PARP15: variants seen among roughly 807,000 people sequenced by gnomAD.
The protein encoded by PARP15 is poly(ADP-ribose) polymerase family member 15.
Under a neutral mutation model 62.1 loss-of-function variants are expected in PARP15, and 50 were observed. The ratio of observed to expected loss-of-function variants is 0.81; its 90% CI spans 0.64 to 1.02. PARP15 has a LOEUF of 1.02. PARP15 is among the 50% of genes least tolerant of loss of function. PARP15 has a pLI of 0.00. For synonymous variants in PARP15, 309 were observed against 293.1 expected (o/e 1.05, Z -0.55); for missense variants, 820 against 826.5 (o/e 0.99, Z 0.10).
intron 1 of PARP15, among the ~76,000 whole-genome samples, chr3:122,596,354 C>CAAAAAAAAA (rs35559014): frequency 2.1e-5 from 1 of 46,916 alleles, no homozygotes; most frequent in Non-Finnish European, 3.7e-5. Flanking sequence ...GACTCCATCT[C>CAAAAAAAAA]AAAAAAAAAA....
chr3:122,619,809 T>A lies in PARP15; in HGVS notation c.1029T>A (p.Ala343=). 2 of 1,613,812 alleles carry A rather than the reference T, an allele frequency of 1.2e-6. No homozygotes were observed. Among genetic ancestry groups the A allele is most frequent in the Non-Finnish European group, 1.7e-6 (2 of 1,179,658 alleles). ...SGVSRAILEG[A]GQAVESECAV... is the part of the protein sequence containing the mutation. ...TGTCAAGAGCTATTTTAGAAGGTGC[T>A]GGACAAGCTGTGGAAAGTGAATGTG... is the stretch of plus-strand genomic sequence containing the variant. Residue 343 remains alanine (A), a synonymous_variant, in exon 7 of 12, where the codon GCT becomes GCA. Transcript: ENST00000464300.
chr3:122,609,810 T>C (rs1160712422), intron 2 of PARP15, among the ~76,000 whole-genome samples: 2 of 151,922 alleles, frequency 1.3e-5, no homozygotes, highest in East Asian at 3.9e-4. Context: ...ATCTGAGTAA[T>C]AGGAGTTATG....
chr3:122,625,177 A>G (rs1327684085), intron 8 of PARP15, among the ~76,000 whole-genome samples: 1 of 152,130 alleles, frequency 6.6e-6, no homozygotes. Flanking sequence ...CAAAATTCAT[A>G]TGTTGAAGTC....
rs1171268129 is a variant in PARP15 at position 122,613,283 on chromosome 3, C to T, written c.771+15C>T. 1.3e-6 allele frequency: 2 copies of T among 1,518,264 alleles called. No individual in the cohort carries two copies. Among genetic ancestry groups the T allele is most frequent in the South Asian group, 2.4e-5 (2 of 83,362 alleles). 94.0% of individuals were successfully genotyped at this position (1,518,264 alleles called of 1,614,324 possible). A position where few individuals can be genotyped will look rare whatever the true frequency, so the allele number is the denominator to read the frequency against. On this transcript the variant is annotated intron_variant, in intron 4 of 11. Coordinates refer to ENST00000464300, the MANE Select transcript of PARP15 (RefSeq NM_001113523.3). ...AAGGCTGTCAGGTATGGTTACATAT[C>T]CCATCTGGTTAATTCTGGCAAGTGA...
In PARP15 at chr3:122,610,348, T is replaced by G; in HGVS notation, c.307-146T>G. ...TGGTGTTTCAGTGCTAACAATAGAC[T>G]GTAAGCTCCTTGAGGGTGGGGCTGA... is the stretch of plus-strand genomic sequence containing the variant. On this transcript the variant is annotated intron_variant, in intron 2 of 11. Transcript: ENST00000464300. The G allele has an allele frequency of 4.3e-6, 3 of 700,802 alleles. No homozygotes were observed. The South Asian group carries it at 5.8e-5, about 14-fold the overall frequency. 43.4% of individuals were successfully genotyped at this position (700,802 alleles called of 1,614,324 possible). A position where few individuals can be genotyped will look rare whatever the true frequency, so the allele number is the denominator to read the frequency against.
At chr3:122,603,466 GGGA>G (rs142797778) in intron 1 of PARP15, among the ~76,000 whole-genome samples, 8,762 of 152,200 alleles carry the variant, frequency 0.058, 638 homozygotes, top group African/African-American at 0.17. Flanking sequence ...CCAGCAGTAT[GGGA>G]GGACATAAAA....
At chr3:122,594,956 AGCCCTG>A in intron 1 of PARP15, 1 of 823,988 alleles carries the variant, frequency 1.2e-6, no homozygotes, top group Non-Finnish European at 1.5e-6. Context: ...AGGAGGGTTC[AGCCCTG>A]GTTGAGTTTT....
At chr3:122,616,327 CTT>C (rs869254516) in intron 5 of PARP15, among the ~76,000 whole-genome samples, 12 of 122,156 alleles carry the variant, frequency 9.8e-5, no homozygotes, top group African/African-American at 9.1e-5. Context: ...TCTGAGCAGT[CTT>C]TTTTTTTTTT....
intron 1 of PARP15, among the ~76,000 whole-genome samples, chr3:122,601,084 C>T (rs1285374184): frequency 7.6e-6 from 1 of 131,780 alleles, no homozygotes; most frequent in Non-Finnish European, 1.5e-5. Context: ...CTCTGTTACC[C>T]AGGCTGGAGT....
chr3:122,621,485 T>G lies in PARP15; in HGVS notation c.1105T>G (p.Cys369Gly). The change falls in exon 8 of 12, where the codon TGC (cysteine) becomes GGC (glycine). Residue 369 changes from cysteine to glycine, a missense_variant. By Grantham distance (159) the Cys-to-Gly change is radical. Around this residue, in one of 3 missense-constraint regions of PARP15, gnomAD observed 731 missense variants for 727.7 expected, o/e 1.00. Transcript: ENST00000464300. The stretch of plus-strand genomic sequence containing the variant: ...AGATTTTATAATTACACCAGGTGGA[T>G]GCTTAAAGTGCAAAATAATAATTCA... Reference protein sequence around the residue: ...HRDFIITPGGCLKCKIIIHVP... With the variant: ...HRDFIITPGGGLKCKIIIHVP... 6.2e-7 allele frequency: 1 copy of G among 1,613,920 alleles called. No homozygotes were observed. The highest frequency in any genetic ancestry group is 1.1e-5 in the South Asian group (1 of 91,018).
intron 1 of PARP15, among the ~76,000 whole-genome samples, chr3:122,587,958 A>T (rs9876722): frequency 0.37 from 56,358 of 151,864 alleles, 10,879 homozygotes; most frequent in Admixed American, 0.46. Context: ...GGTGTTTTTT[A>T]AAAAAATTGT....
intron 1 of PARP15, among the ~76,000 whole-genome samples, chr3:122,596,653 A>T (rs1173353322): frequency 6.6e-6 from 1 of 152,234 alleles, no homozygotes; most frequent in Non-Finnish European, 1.5e-5. Flanking sequence ...GAACCATTTT[A>T]AAGACAGTAA....
In PARP15 at chr3:122,621,477, C is replaced by G. The variant is rs1287567184; in HGVS notation, c.1097C>G (p.Pro366Arg). Residue 366 changes from proline to arginine, a missense_variant, in exon 8 of 12, where the codon CCA (proline) becomes CGA (arginine). Around this residue, in one of 3 missense-constraint regions of PARP15, gnomAD observed 731 missense variants for 727.7 expected, o/e 1.00. Transcript: ENST00000464300. ...CCTCACAGAGATTTTATAATTACAC[C>G]AGGTGGATGCTTAAAGTGCAAAATA... ...AQPHRDFIIT[P>R]GGCLKCKIII... 2 of 1,612,874 alleles carry G rather than the reference C, an allele frequency of 1.2e-6. No homozygotes were observed. The highest frequency in any genetic ancestry group is 1.3e-5 in the African/African-American group (1 of 74,922).
At position 122,617,175 on chromosome 3, in the gene PARP15, T is replaced by C. The variant is rs1559972465; in HGVS notation, c.1000+11T>C. 6.2e-7 allele frequency: 1 copy of C among 1,606,504 alleles called. No individual in the cohort carries two copies. Among genetic ancestry groups the C allele is most frequent in the Non-Finnish European group, 8.5e-7 (1 of 1,173,984 alleles). On this transcript the variant is annotated intron_variant, in intron 6 of 11. Transcript: ENST00000464300. ...TTAATCGGAAATCAGGTACTTTATT[T>C]AAGCAATATATTGTAATTATTAGTA...
At chr3:122,580,672 C>T (rs1188374520) in intron 1 of PARP15, among the ~76,000 whole-genome samples, 1 of 152,164 alleles carries the variant, frequency 6.6e-6, no homozygotes, top group East Asian at 1.9e-4. Context: ...CATGTGATAG[C>T]ATGTGTCAGA....
intron 6 of PARP15, among the ~76,000 whole-genome samples, chr3:122,617,699 T>C (rs1231261464): frequency 1.3e-5 from 2 of 152,182 alleles, no homozygotes; most frequent in Non-Finnish European, 1.5e-5. Context: ...CTCATATGTC[T>C]ATTAATTTAT....
In PARP15 at chr3:122,638,041, C is replaced by T. The variant is rs1366733923; in HGVS notation, c.*1941C>T. 6.6e-6 allele frequency: 1 copy of T among 152,110 alleles called. No individual in the cohort carries two copies. Among genetic ancestry groups the T allele is most frequent in the South Asian group, 2.1e-4 (1 of 4,824 alleles). 9.4% of individuals were successfully genotyped at this position (152,110 alleles called of 1,614,324 possible). On this transcript the variant is annotated 3_prime_UTR_variant, in exon 12 of 12. Coordinates refer to ENST00000464300, the MANE Select transcript of PARP15 (RefSeq NM_001113523.3). ...TTCAATTCCCACCTGTGAGTGAGAACATGTGGTGTTTGGTTTTTTGTCCTT... is the reference window on the plus strand; with the variant it reads ...TTCAATTCCCACCTGTGAGTGAGAATATGTGGTGTTTGGTTTTTTGTCCTT...
In PARP15 at chr3:122,621,555, T is replaced by A; in HGVS notation, c.1175T>A (p.Leu392Gln). 6.2e-7 allele frequency: 1 copy of A among 1,613,988 alleles called. No homozygotes were observed. Among genetic ancestry groups the A allele is most frequent in the Non-Finnish European group, 8.5e-7 (1 of 1,179,966 alleles). Residue 392 changes from leucine (L) to glutamine (Q), a missense_variant, in exon 8 of 12, where the codon CTA becomes CAA. Coordinates refer to ENST00000464300, the MANE Select transcript of PARP15 (RefSeq NM_001113523.3). ...GTCAGGAAAACGGTCACCAGTGTTCTAGAAGAGTGTGAACAGAGGAAGTAC... is the reference window on the plus strand; with the variant it reads ...GTCAGGAAAACGGTCACCAGTGTTCAAGAAGAGTGTGAACAGAGGAAGTAC... ...KDVRKTVTSV[L>Q]EECEQRKYTS...
rs370327554 is a variant in PARP15, at chr3:122,613,048, C to T, written c.551C>T (p.Ala184Val). The change falls in exon 4 of 12, where the codon GCA becomes GTA. Residue 184 changes from alanine to valine, a missense_variant. Transcript: ENST00000464300. The part of the protein sequence containing the change: ...NGAETSWQIM[A>V]NIIKKCLTTV... Reference sequence around the variant, plus strand: ...GTACTTTGCACATTTCAGATCATGGCAAATATAATCAAGAAATGTTTGACA... The same window carrying T: ...GTACTTTGCACATTTCAGATCATGGTAAATATAATCAAGAAATGTTTGACA... 2.6e-5 allele frequency: 40 copies of T among 1,550,632 alleles called. No homozygotes were observed. In the African/African-American group the frequency reaches 4.4e-4, roughly 17 times the overall value.
Sources: gnomAD v4.1 joint callset for allele counts (sites outside exome capture counted in the v4.1 genomes callset) on GRCh38, gnomAD v4.1.1 for gene constraint, gnomAD v4.1.1 regional missense constraint, MANE v1.5 for transcripts, NCBI Gene and HGNC (gene_info 2026-07-23, HGNC 2026-07-21) for gene names.